Variants in ANKRD39 observed in about 807,000 individuals in gnomAD.
The protein encoded by ANKRD39 is ankyrin repeat domain 39, also known as ankyrin repeat domain-containing protein 39.
A neutral mutation model predicts 20.3 loss-of-function variants in ANKRD39; 18 were observed. The observed-to-expected ratio is 0.89, with a 90% CI of 0.61 to 1.32. ANKRD39 has a LOEUF of 1.32. Ranked by LOEUF, ANKRD39 falls within the 40% of genes most tolerant of loss-of-function variation. The pLI is 0.00. For missense variants in ANKRD39, 243 were observed against 250.7 expected, an observed-to-expected ratio of 0.97 and a Z score of 0.21; for synonymous variants, 106 against 111.9, an observed-to-expected ratio of 0.95 and a Z score of 0.33.
chr2:96,851,646 G>A (rs2079837545), intron 3 of ANKRD39, among the ~76,000 whole-genome samples: 1 of 152,270 alleles, frequency 6.6e-6, no homozygotes, highest in South Asian at 2.1e-4. Flanking sequence ...GAGATACGCA[G>A]ACCCCAAACA....
intron 3 of ANKRD39, among the ~76,000 whole-genome samples, chr2:96,849,102 G>GC (rs1442363504): frequency 6.6e-6 from 1 of 152,036 alleles, no homozygotes; most frequent in Non-Finnish European, 1.5e-5. Flanking sequence ...CACCAGACAC[G>GC]GCCCCTACCC....
intron 3 of ANKRD39, among the ~76,000 whole-genome samples, chr2:96,851,304 G>A (rs959420764): frequency 6.6e-6 from 1 of 152,092 alleles, no homozygotes; most frequent in Non-Finnish European, 1.5e-5. Context: ...TTACAGGTAC[G>A]TGCTACCACG....
intron 1 of ANKRD39, among the ~76,000 whole-genome samples, chr2:96,856,329 C>T (rs2079864535): frequency 6.6e-6 from 1 of 151,966 alleles, no homozygotes; most frequent in Non-Finnish European, 1.5e-5. Context: ...CAAAAACTAG[C>T]CGGGCGTCGT....
intron 3 of ANKRD39, among the ~76,000 whole-genome samples, chr2:96,850,348 A>C (rs921356038): frequency 6.6e-6 from 1 of 152,190 alleles, no homozygotes; most frequent in Non-Finnish European, 1.5e-5. Context: ...ATAAAATACC[A>C]GTGTTTGCAA....
At chr2:96,854,037 G>T (rs1446164677) in intron 2 of ANKRD39, among the ~76,000 whole-genome samples, 1 of 152,228 alleles carries the variant, frequency 6.6e-6, no homozygotes, top group East Asian at 1.9e-4. Context: ...TGAGGCAGGA[G>T]AATCGCTTGA....
chr2:96,856,721 T>C (rs1156399007), intron 1 of ANKRD39, among the ~76,000 whole-genome samples: 1 of 152,158 alleles, frequency 6.6e-6, no homozygotes, highest in Non-Finnish European at 1.5e-5. Flanking sequence ...AGGGCAGAAC[T>C]GCCCCCAGTT....
intron 3 of ANKRD39, among the ~76,000 whole-genome samples, chr2:96,850,393 G>T (rs913927139): frequency 2.6e-5 from 4 of 152,174 alleles, no homozygotes; most frequent in Admixed American, 2.6e-4. Flanking sequence ...GGCCAGGTGC[G>T]GTGGCTCACG....
At chr2:96,849,177 G>C (rs938719891) in intron 3 of ANKRD39, among the ~76,000 whole-genome samples, 2 of 152,068 alleles carry the variant, frequency 1.3e-5, no homozygotes, top group African/African-American at 4.8e-5. Context: ...TTTAGAGACA[G>C]GGTCTCACTC....
intron 3 of ANKRD39, among the ~76,000 whole-genome samples, chr2:96,851,307 C>T (rs2079835961): frequency 6.6e-6 from 1 of 152,172 alleles, no homozygotes; most frequent in Non-Finnish European, 1.5e-5. Context: ...CAGGTACGTG[C>T]TACCACGCCC....
chr2:96,853,303 TTC>T (rs1208335076), intron 3 of ANKRD39, 96 bp downstream of exon 3: 1 of 1,384,110 alleles, frequency 7.2e-7, no homozygotes, highest in African/African-American at 1.4e-5. Flanking sequence ...TTTAACTGTC[TTC>T]TCTCTGATTT....
At chr2:96,849,577 G>A (rs1445547414) in intron 3 of ANKRD39, among the ~76,000 whole-genome samples, 1 of 152,164 alleles carries the variant, frequency 6.6e-6, no homozygotes, top group East Asian at 1.9e-4. Context: ...TTGAACCTGG[G>A]AGGCAGAGGT....
Position 96,857,970 on chromosome 2 carries a change from G to A in ANKRD39, c.18C>T (p.Pro6=). The part of the protein sequence containing the change: MATPR[P]CADGPCCSHP... ...GCGAGCAGCAGGGCCCGTCCGCGCA[G>A]GGCCGAGGCGTCGCCATCCCGGCCC... The change falls in exon 1 of 4, where the codon CCC becomes CCT. Residue 6 remains proline (P), a synonymous_variant. Transcript: ENST00000393537. The A allele has an allele frequency of 1.9e-6, 3 of 1,546,130 alleles. No individual in the cohort carries two copies. The highest frequency in any genetic ancestry group is 2.6e-6 in the Non-Finnish European group (3 of 1,154,054).
At chr2:96,854,065 T>C (rs1293754472) in intron 2 of ANKRD39, among the ~76,000 whole-genome samples, 1 of 152,226 alleles carries the variant, frequency 6.6e-6, no homozygotes, top group Non-Finnish European at 1.5e-5. Context: ...AGGCGGAGGT[T>C]GCAGTGAGCT....
In ANKRD39 at chr2:96,853,613, A is replaced by C; in HGVS notation, c.205-9T>G. 6.2e-7 allele frequency: 1 copy of C among 1,611,040 alleles called. No homozygotes were observed. Among genetic ancestry groups the C allele is most frequent in the Non-Finnish European group, 8.5e-7 (1 of 1,179,470 alleles). On this transcript the variant is annotated splice_polypyrimidine_tract_variant and intron_variant, in intron 2 of 3. Transcript: ENST00000393537. The stretch of plus-strand genomic sequence containing the variant: ...TTGCGGCTGGCATAGTGCTGCAGGG[A>C]ACAGAGACCGAGGTCAGATGGGAGA...
chr2:96,852,482 T>G (rs1408557585), intron 3 of ANKRD39, among the ~76,000 whole-genome samples: 5 of 68,208 alleles, frequency 7.3e-5, no homozygotes, highest in Admixed American at 2.1e-4. Context: ...AGGAGAAAAC[T>G]GGAGGGGTGG....
chr2:96,848,024 A>T lies in ANKRD39; in HGVS notation c.*277T>A, dbSNP rs1052180863. ...ATTTAGATCTTTAATCTTGCAATTT[A>T]TCTTTGGGTGTGGGATGAGGTAAGG... On this transcript the variant is annotated 3_prime_UTR_variant, in exon 4 of 4. Transcript: ENST00000393537. 3 of 298,916 alleles carry T rather than the reference A, an allele frequency of 1.0e-5. No homozygotes were observed. Among genetic ancestry groups the T allele is most frequent in the African/African-American group, 6.3e-5 (3 of 47,428 alleles). 18.5% of individuals were successfully genotyped at this position (298,916 alleles called of 1,614,324 possible). A position where few individuals can be genotyped will look rare whatever the true frequency, so the allele number is the denominator to read the frequency against.
In ANKRD39 at chr2:96,854,370, T is replaced by C. The variant is rs1207401164; in HGVS notation, c.172A>G (p.Ser58Gly). The C allele has an allele frequency of 6.2e-7, 1 of 1,614,160 alleles. No homozygotes were observed. ...KHLIQKAEDP[S>G]QPDSAGYTAL... ...GTGTAGCCGGCCGAGTCGGGCTGACTTGGGTCCTCGGCCTTCTGGATTAAA... is the reference window on the plus strand; with the variant it reads ...GTGTAGCCGGCCGAGTCGGGCTGACCTGGGTCCTCGGCCTTCTGGATTAAA... The change falls in exon 2 of 4, where the codon AGT (serine) becomes GGT (glycine). Residue 58 changes from serine (S) to glycine (G), a missense_variant. Physicochemically the swap from Ser to Gly is moderately conservative, Grantham distance 56. Transcript: ENST00000393537.
At position 96,850,097 on chromosome 2, in the gene ANKRD39, C is replaced by T. The variant is rs548838648; in HGVS notation, c.409-1653G>A. On this transcript the variant is annotated intron_variant, in intron 3 of 3. Transcript: ENST00000393537. ...CCAGGTTTGCCTGAACTCTTATTAA[C>T]TCTGTGAACCACTATTATTTCCTAC... 1.6e-4 allele frequency among the ~76,000 whole-genome samples: 25 copies of T among 152,332 alleles called. No individual in the cohort carries two copies. In the South Asian group the frequency reaches 4.8e-3, roughly 29 times the overall value.
intron 1 of ANKRD39, among the ~76,000 whole-genome samples, chr2:96,856,054 T>G (rs1296896000): frequency 1.3e-5 from 2 of 152,208 alleles, no homozygotes; most frequent in Non-Finnish European, 2.9e-5. Context: ...TCTCACAGTT[T>G]CTTTTATTTG....
Sources: gnomAD v4.1 joint callset for allele counts (sites outside exome capture counted in the v4.1 genomes callset) on GRCh38, gnomAD v4.1.1 for gene constraint, MANE v1.5 for transcripts, NCBI Gene and HGNC (gene_info 2026-07-23, HGNC 2026-07-21) for gene names.